The following RASA3 variants were observed in gnomAD, a reference collection of about 807,000 sequenced individuals.
The protein encoded by RASA3 is ras GTPase-activating protein 3.
In RASA3, 73 loss-of-function variants were observed where a neutral mutation model predicts 110.0. That is an observed-to-expected ratio of 0.66 (90% confidence interval 0.55 to 0.81). RASA3 has a LOEUF of 0.81. Ranked by LOEUF, RASA3 falls within the 30% of genes least tolerant of loss-of-function variation. RASA3 has a pLI of 0.00. For missense variants in RASA3, 976 were observed against 1,113.2 expected (o/e 0.88, Z 1.75); for synonymous variants, 500 against 451.4 (o/e 1.11, Z -1.37).
At chr13:113,982,221 G>C (rs1050546368) in intron 22 of RASA3, among the ~76,000 whole-genome samples, 2 of 152,236 alleles carry the variant, frequency 1.3e-5, no homozygotes, top group African/African-American at 4.8e-5. Context: ...ACCAGGAGGA[G>C]AGACACCTGC....
chr13:114,045,316 G>A (rs1213363849), intron 3 of RASA3, among the ~76,000 whole-genome samples: 1 of 152,232 alleles, frequency 6.6e-6, no homozygotes, highest in African/African-American at 2.4e-5. Flanking sequence ...CTTGGGCAAA[G>A]GCGGCTGCCT....
chr13:114,014,427 A>G lies in RASA3; in HGVS notation c.1405+782T>C, dbSNP rs1255121448. 6.6e-6 allele frequency among the ~76,000 whole-genome samples: 1 copy of G among 152,144 alleles called. No homozygotes were observed. ...GGGACAGCGTTTGTCTCCTGGGGAC[A>G]CAGAAGCGTGGACGGCTCTGCAGGA... On this transcript the variant is annotated intron_variant, in intron 14 of 23. Transcript: ENST00000334062. The surrounding 1 kb of genome is among the most constrained non-coding windows in gnomAD (Gnocchi z 4.5).
intron 1 of RASA3, among the ~76,000 whole-genome samples, chr13:114,092,758 G>A (rs555489933): frequency 1.3e-5 from 2 of 152,238 alleles, no homozygotes; most frequent in South Asian, 4.1e-4. Context: ...TGAAAGTGGG[G>A]TGTGAAGTCC....
At chr13:114,049,782 G>C (rs2079112781) in intron 3 of RASA3, among the ~76,000 whole-genome samples, 1 of 152,260 alleles carries the variant, frequency 6.6e-6, no homozygotes. Context: ...CAGGGGCTGA[G>C]AACACAGGAG....
chr13:114,044,973 C>T (rs2079029738), intron 3 of RASA3, among the ~76,000 whole-genome samples: 2 of 152,090 alleles, frequency 1.3e-5, no homozygotes, highest in Admixed American at 1.3e-4. Context: ...TAATAGGTAA[C>T]ACAGAAACAG....
chr13:114,001,004 C>A, intron 18 of RASA3, 72 bp from the exon 19 acceptor site: 1 of 981,932 alleles, frequency 1.0e-6, no homozygotes, highest in Non-Finnish European at 1.6e-6. Context: ...AACCACACCC[C>A]CCACTTTCTG....
intron 22 of RASA3, among the ~76,000 whole-genome samples, chr13:113,990,326 G>A (rs911243737): frequency 5.3e-5 from 8 of 152,188 alleles, no homozygotes; most frequent in Admixed American, 1.3e-4. Flanking sequence ...AGCCTGATGC[G>A]CAAGGGTGTT....
chr13:114,021,713 G>T (rs1353591104), intron 8 of RASA3, among the ~76,000 whole-genome samples: 1 of 152,198 alleles, frequency 6.6e-6, no homozygotes, highest in African/African-American at 2.4e-5. Flanking sequence ...TCTCCCAGTG[G>T]TAATGGGCAG....
At chr13:113,998,905 A>C (rs2053317560) in intron 20 of RASA3, among the ~76,000 whole-genome samples, 1 of 152,196 alleles carries the variant, frequency 6.6e-6, no homozygotes, top group African/African-American at 2.4e-5. Context: ...ACAGCGGCAA[A>C]CTCGAATGTG....
chr13:113,991,880 CCA>C (rs761045021), intron 22 of RASA3, among the ~76,000 whole-genome samples: 25 of 152,136 alleles, frequency 1.6e-4, no homozygotes, highest in Admixed American at 2.6e-4. Flanking sequence ...TCACGTGTCC[CCA>C]CACACACATG....
At chr13:114,098,666 C>T (rs61971961) in intron 1 of RASA3, among the ~76,000 whole-genome samples, 8,618 of 151,954 alleles carry the variant, frequency 0.057, 299 homozygotes, top group Middle Eastern at 0.14. Context: ...GCATGGAGGC[C>T]GGCTGAGAGT....
intron 4 of RASA3, among the ~76,000 whole-genome samples, chr13:114,038,280 C>A (rs74116438): frequency 0.024 from 3,609 of 152,348 alleles, 139 homozygotes; most frequent in African/African-American, 0.081. Flanking sequence ...TCACCAAGCC[C>A]CGTCTCCCGG....
At chr13:114,005,706 G>A (rs2053499811) in intron 18 of RASA3, among the ~76,000 whole-genome samples, 1 of 151,932 alleles carries the variant, frequency 6.6e-6, no homozygotes, top group African/African-American at 2.4e-5. Context: ...GAATGTGCTG[G>A]GTGCTCTGGG....
At chr13:114,007,752 G>A (rs2053549103) in intron 17 of RASA3, 146 bp from the exon 18 acceptor site, 2 of 699,498 alleles carry the variant, frequency 2.9e-6, no homozygotes, top group Non-Finnish European at 5.0e-6. Context: ...TTCCCCGAGG[G>A]CTGTGGGGCC....
At chr13:113,979,686 T>C (rs887599930) in intron 23 of RASA3, among the ~76,000 whole-genome samples, 2 of 152,144 alleles carry the variant, frequency 1.3e-5, no homozygotes, top group Non-Finnish European at 2.9e-5. Context: ...CATGTGCAGA[T>C]GTGGAATATG....
At chr13:114,029,681 A>T (rs2054109213) in intron 5 of RASA3, 130 bp downstream of exon 5, 2 of 900,338 alleles carry the variant, frequency 2.2e-6, no homozygotes, top group African/African-American at 3.3e-5. Context: ...AGGACCTCTA[A>T]ACAGTGTCAT....
chr13:114,048,444 C>A lies in RASA3; in HGVS notation c.277+3608G>T, dbSNP rs1444175683. On this transcript the variant is annotated intron_variant, in intron 3 of 23. Transcript: ENST00000334062. The surrounding 1 kb of genome is among the most constrained non-coding windows in gnomAD (Gnocchi z 4.3). ...GGACATGGTGCTACCAGAGCCGGGG[C>A]CCAGAGGAAGGTGGAGGCCTAGCGG... is the stretch of plus-strand genomic sequence containing the variant. Among the ~76,000 whole-genome samples the A allele has an allele frequency of 1.3e-5, 2 of 152,016 alleles. No individual in the cohort carries two copies. Among genetic ancestry groups the A allele is most frequent in the African/African-American group, 4.8e-5 (2 of 41,372 alleles).
chr13:114,111,539 C>A (rs112445654), intron 1 of RASA3, among the ~76,000 whole-genome samples: 2 of 40,404 alleles, frequency 4.9e-5, no homozygotes, highest in African/African-American at 1.5e-4. Flanking sequence ...AGCTGCAGGC[C>A]GAGTTCTAAC....
At chr13:114,088,547 C>A (rs1398168805) in intron 1 of RASA3, among the ~76,000 whole-genome samples, 1 of 65,926 alleles carries the variant, frequency 1.5e-5, no homozygotes, top group Non-Finnish European at 3.4e-5. Flanking sequence ...TTTAAATTCC[C>A]AAATTAATTT....
Sources: allele counts gnomAD v4.1 joint callset (sites outside exome capture counted in the v4.1 genomes callset), GRCh38; gene constraint gnomAD v4.1.1; non-coding constraint Gnocchi (gnomAD v3.1); transcripts MANE v1.5; gene names NCBI Gene and HGNC (gene_info 2026-07-23, HGNC 2026-07-21).